The following DNMT3B variants were observed in gnomAD, a reference collection of about 807,000 sequenced individuals.
DNMT3B encodes DNA (cytosine-5)-methyltransferase 3B.
Under a neutral mutation model 120.2 loss-of-function variants are expected in DNMT3B, and 37 were observed. The ratio of observed to expected loss-of-function variants is 0.31; its 90% confidence interval spans 0.24 to 0.40. The LOEUF is 0.40. DNMT3B is among the 10% of genes least tolerant of loss of function. The pLI is 1.00. For missense variants in DNMT3B, 878 were observed against 1,137.3 expected (o/e 0.77, Z 3.28); for synonymous variants, 412 against 442.8 (o/e 0.93, Z 0.87).
chr20:32,796,991 C>T, intron 13 of DNMT3B, 122 bp downstream of exon 13: 4 of 1,612,840 alleles, frequency 2.5e-6, no homozygotes, highest in Non-Finnish European at 3.4e-6. Context: ...GCCTTGCACT[C>T]TGCCTCTGGG....
rs369739363 is a variant in DNMT3B at position 32,787,346 on chromosome 20, C to T, written c.549C>T (p.Ser183=). ...AGGACACACATGGGACGCCCCAGAG[C>T]AGCAGTACCCCCTACGCCCGCCTAG... ...DTEDTHGTPQ[S]SSTPYARLAQ... The change falls in exon 6 of 23, where the codon AGC becomes AGT. Residue 183 remains serine (S), a synonymous_variant. Transcript: ENST00000328111. The T allele has an allele frequency of 3.7e-6, 6 of 1,614,134 alleles. No homozygotes were observed. In the African/African-American group the frequency reaches 6.7e-5, roughly 18 times the overall value.
At chr20:32,787,591 C>A (rs764802298) in intron 6 of DNMT3B, 140 bp downstream of exon 6, 35 of 1,008,748 alleles carry the variant, frequency 3.5e-5, no homozygotes, top group Non-Finnish European at 5.2e-5. Flanking sequence ...TGTTTGAATT[C>A]TAAGTATCTT....
At chr20:32,797,953 G>A (rs1568853573) in intron 14 of DNMT3B, among the ~76,000 whole-genome samples, 1 of 152,118 alleles carries the variant, frequency 6.6e-6, no homozygotes, top group Non-Finnish European at 1.5e-5. Flanking sequence ...TGGGATTACA[G>A]TCATGATCCA....
chr20:32,791,487 G>A, intron 7 of DNMT3B, 114 bp from the exon 8 acceptor site: 1 of 981,844 alleles, frequency 1.0e-6, no homozygotes, highest in Non-Finnish European at 1.6e-6. Context: ...CCCCAGGAAT[G>A]GTCTCTTGGT....
chr20:32,805,573 G>A (rs1981878837), intron 21 of DNMT3B, among the ~76,000 whole-genome samples, 166 bp downstream of exon 21: 1 of 151,600 alleles, frequency 6.6e-6, no homozygotes, highest in Admixed American at 6.6e-5. Context: ...CTCAAATACA[G>A]AGACTAGGAG....
At chr20:32,781,309 G>A (rs753624270) in intron 2 of DNMT3B, 44 bp from the exon 3 acceptor site, 2 of 1,595,728 alleles carry the variant, frequency 1.3e-6, no homozygotes, top group Admixed American at 3.5e-5. Context: ...CCCCAGACTG[G>A]TGCCTGCCCC....
intron 2 of DNMT3B, among the ~76,000 whole-genome samples, chr20:32,780,755 G>A (rs1168310287): frequency 6.6e-6 from 1 of 151,660 alleles, no homozygotes; most frequent in Non-Finnish European, 1.5e-5. Context: ...ATGGGCCCTT[G>A]GAGAGCCCTT....
At chr20:32,768,000 T>C (rs1220010822) in intron 1 of DNMT3B, among the ~76,000 whole-genome samples, 2 of 152,192 alleles carry the variant, frequency 1.3e-5, no homozygotes, top group Non-Finnish European at 2.9e-5. Flanking sequence ...GTAGGGCGTT[T>C]GCTGCAGCCA....
chr20:32,762,540 G>A lies in DNMT3B; in HGVS notation c.-166G>A. 1 of 336,436 alleles carries A rather than the reference G, an allele frequency of 3.0e-6. No homozygotes were observed. Among genetic ancestry groups the A allele is most frequent in the Non-Finnish European group, 6.1e-6 (1 of 163,296 alleles). The allele number at this position is 336,436 out of a possible 1,614,324, so 20.8% of individuals were successfully genotyped here. Reference sequence around the variant, plus strand: ...GAGCGGGCGGCAACGCTGCCCGGCCGGCAGCGCTGGGGTTAAGTGGCCCAA... The same window carrying A: ...GAGCGGGCGGCAACGCTGCCCGGCCAGCAGCGCTGGGGTTAAGTGGCCCAA... On this transcript the variant is annotated 5_prime_UTR_variant, in exon 1 of 23. Coordinates refer to ENST00000328111, the MANE Select transcript of DNMT3B (RefSeq NM_006892.4).
At chr20:32,770,389 A>G (rs552023635) in intron 1 of DNMT3B, among the ~76,000 whole-genome samples, 2 of 152,086 alleles carry the variant, frequency 1.3e-5, no homozygotes, top group Non-Finnish European at 2.9e-5. Context: ...CCCAGGTTCA[A>G]GCGATTCTCC....
intron 19 of DNMT3B, 68 bp from the exon 20 acceptor site, chr20:32,802,317 G>A (rs771117521): frequency 2.7e-4 from 414 of 1,535,466 alleles, no homozygotes; most frequent in Non-Finnish European, 3.4e-4. Context: ...CCTGTCACCT[G>A]CAAAGGTCTG....
At chr20:32,765,956 A>G (rs1238459021) in intron 1 of DNMT3B, among the ~76,000 whole-genome samples, 2 of 151,244 alleles carry the variant, frequency 1.3e-5, no homozygotes, top group African/African-American at 4.9e-5. Flanking sequence ...ACGGGGTTTC[A>G]CCGTGTTCGC....
chr20:32,796,669 CAA>C (rs1980658924), intron 12 of DNMT3B, 119 bp from the exon 13 acceptor site: 5 of 1,068,130 alleles, frequency 4.7e-6, no homozygotes, highest in Non-Finnish European at 7.2e-6. Context: ...GCCTGAGGTG[CAA>C]AGAGTCCTTG....
intron 1 of DNMT3B, among the ~76,000 whole-genome samples, chr20:32,763,817 A>T (rs2018002): frequency 0.55 from 84,194 of 151,810 alleles, 25,895 homozygotes; most frequent in East Asian, 0.92. Flanking sequence ...CCGTGTTTCC[A>T]CCCTCCCCCG....
intron 3 of DNMT3B, among the ~76,000 whole-genome samples, chr20:32,781,785 G>A (rs974854384): frequency 2.6e-5 from 4 of 152,210 alleles, no homozygotes; most frequent in Non-Finnish European, 1.5e-5. Context: ...GTCCTGCTCC[G>A]TCCTGCCCAG....
At chr20:32,799,446 C>A in intron 16 of DNMT3B, 118 bp downstream of exon 16, 3 of 1,177,954 alleles carry the variant, frequency 2.5e-6, no homozygotes, top group Non-Finnish European at 3.7e-6. Context: ...TGGGGATTAC[C>A]AGCCCTGAAA....
In DNMT3B at chr20:32,792,009, A is replaced by G. The variant is rs146803555; in HGVS notation, c.921+301A>G. 5.1e-3 allele frequency among the ~76,000 whole-genome samples: 775 copies of G among 152,282 alleles called. 8 individuals carry two copies. Among genetic ancestry groups the G allele is most frequent in the African/African-American group, 0.018 (736 of 41,552 alleles). ...TTTCCAGAGACCTCAGAGCCTTCTTATGAGGGTTGGAGTTCACAGCAAGAC... is the reference window on the plus strand; with the variant it reads ...TTTCCAGAGACCTCAGAGCCTTCTTGTGAGGGTTGGAGTTCACAGCAAGAC... On this transcript the variant is annotated intron_variant, in intron 8 of 22. Transcript: ENST00000328111.
chr20:32,776,177 C>T (rs928060366), intron 1 of DNMT3B, among the ~76,000 whole-genome samples: 1 of 151,070 alleles, frequency 6.6e-6, no homozygotes, highest in East Asian at 1.9e-4. Context: ...TGCAGTGAGC[C>T]GAGATCGCGC....
rs1979319743 is a variant in DNMT3B at position 32,786,592 on chromosome 20, G to A, written c.397G>A (p.Val133Met). 13 of 1,613,978 alleles carry A rather than the reference G, an allele frequency of 8.1e-6. No homozygotes were observed. Among genetic ancestry groups the A allele is most frequent in the Non-Finnish European group, 1.1e-5 (13 of 1,180,048 alleles). The change falls in exon 5 of 23, where the codon GTG (valine) becomes ATG (methionine). Residue 133 changes from valine (V) to methionine (M), a missense_variant. Physicochemically the swap from Val to Met is conservative, Grantham distance 21. Transcript: ENST00000328111. ...CCGAGGCCGGCAGGGCCGCAACCAT[G>A]TGGACGAGTCCCCCGTGGAGTTCCC... ...STRGRQGRNH[V>M]DESPVEFPAT... is the part of the protein sequence containing the mutation.
Sources: gnomAD v4.1 joint callset for allele counts (sites outside exome capture counted in the v4.1 genomes callset) on GRCh38, gnomAD v4.1.1 for gene constraint, MANE v1.5 for transcripts, NCBI Gene and HGNC (gene_info 2026-07-23, HGNC 2026-07-21) for gene names.